The following SETD2 variants were observed in gnomAD, a reference collection of about 807,000 sequenced individuals.
SETD2 encodes histone-lysine N-methyltransferase SETD2.
A neutral mutation model predicts 242.1 loss-of-function variants in SETD2; 31 were observed. The ratio of observed to expected loss-of-function variants is 0.13; its 90% CI spans 0.10 to 0.17. The LOEUF is 0.17. SETD2 is among the 10% of genes least tolerant of loss of function. SETD2 has a pLI of 1.00. For missense variants in SETD2, 2,481 were observed against 3,046.3 expected (o/e 0.81, Z 4.37); for synonymous variants, 1,006 against 1,066.5 (o/e 0.94, Z 1.11).
chr3:47,116,046 T>C (rs1163398210), intron 4 of SETD2, among the ~76,000 whole-genome samples: 1 of 152,174 alleles, frequency 6.6e-6, no homozygotes, highest in Non-Finnish European at 1.5e-5. Flanking sequence ...ATGAATAGAA[T>C]ACATAATGCA....
intron 14 of SETD2, 95 bp from the exon 15 acceptor site, chr3:47,057,585 T>G: frequency 1.1e-6 from 1 of 869,830 alleles, no homozygotes; most frequent in Non-Finnish European, 1.8e-6. Context: ...ACTAAACCAC[T>G]AACCACATCA....
In SETD2 at chr3:47,042,659, G is replaced by C; in HGVS notation, c.7140C>G (p.Pro2380=). ...VVTNNLLDLP[P]PSPPKPKTIV... Reference sequence around the variant, plus strand: ...TGGTTTTTGGTTTGGGAGGAGAGGGGGGCGGCAGATCCAAGAGATTATTTG... The same window carrying C: ...TGGTTTTTGGTTTGGGAGGAGAGGGCGGCGGCAGATCCAAGAGATTATTTG... Residue 2380 remains proline (P), a synonymous_variant, in exon 17 of 21, where the codon CCC becomes CCG. Coordinates refer to ENST00000409792, the MANE Select transcript of SETD2 (RefSeq NM_014159.7). The C allele has an allele frequency of 1.2e-6, 2 of 1,611,542 alleles. No individual in the cohort carries two copies. Among genetic ancestry groups the C allele is most frequent in the Non-Finnish European group, 1.7e-6 (2 of 1,179,154 alleles).
Position 47,090,981 on chromosome 3 carries a change from T to G in SETD2, c.5143-2734A>C, listed in dbSNP as rs117707130. On this transcript the variant is annotated intron_variant, in intron 9 of 20. Coordinates refer to ENST00000409792, the MANE Select transcript of SETD2 (RefSeq NM_014159.7). ...TTCACATTCTGGTAAAGAACAAGAATAAATGAGAAAAAATAAAGTGCTGCC... is the reference window on the plus strand; with the variant it reads ...TTCACATTCTGGTAAAGAACAAGAAGAAATGAGAAAAAATAAAGTGCTGCC... Among the ~76,000 whole-genome samples the G allele has an allele frequency of 3.3e-3, 496 of 152,292 alleles. 25 individuals carry two copies. In the East Asian group the frequency reaches 0.085, roughly 26 times the overall value.
At chr3:47,160,270 T>C (rs1697450728) in intron 1 of SETD2, among the ~76,000 whole-genome samples, 2 of 152,102 alleles carry the variant, frequency 1.3e-5, no homozygotes, top group South Asian at 2.1e-4. Flanking sequence ...TCCAAAGCAC[T>C]TACCTTTGAA....
intron 6 of SETD2, chr3:47,105,730 C>T: frequency 2.3e-6 from 1 of 428,222 alleles, no homozygotes. Flanking sequence ...TGGTGAAACC[C>T]CGTCTCTACT....
chr3:47,132,827 A>C (rs896406853), intron 1 of SETD2, among the ~76,000 whole-genome samples: 2 of 152,260 alleles, frequency 1.3e-5, no homozygotes, highest in African/African-American at 4.8e-5. Flanking sequence ...ACTGTCAGAC[A>C]TATAAGAATA....
chr3:47,040,607 C>T (rs1189363372), intron 17 of SETD2, among the ~76,000 whole-genome samples: 2 of 106,132 alleles, frequency 1.9e-5, no homozygotes, highest in Non-Finnish European at 1.7e-5. Context: ...CAAGGTCTTG[C>T]TCTGTCACCC....
At chr3:47,074,457 C>G (rs1041925163) in intron 12 of SETD2, among the ~76,000 whole-genome samples, 19 of 152,188 alleles carry the variant, frequency 1.2e-4, no homozygotes, top group Non-Finnish European at 2.4e-4. Context: ...ACCAAAGACT[C>G]TTGTGCATTA....
At chr3:47,136,702 C>T (rs2043596406) in intron 1 of SETD2, among the ~76,000 whole-genome samples, 1 of 152,124 alleles carries the variant, frequency 6.6e-6, no homozygotes, top group African/African-American at 2.4e-5. Flanking sequence ...GCTTGTAATC[C>T]CAGCACTTTG....
rs747176449 is a variant in SETD2 at position 47,120,509 on chromosome 3, G to A, written c.4127C>T (p.Ser1376Phe). Residue 1376 changes from serine (S) to phenylalanine (F), a missense_variant, in exon 3 of 21, where the codon TCC (serine) becomes TTC (phenylalanine). Ser to Phe is a radical substitution (Grantham distance 155). Around this residue, in one of 17 missense-constraint regions of SETD2, gnomAD observed 1,300 missense variants for 1,259.2 expected, o/e 1.03. Coordinates refer to ENST00000409792, the MANE Select transcript of SETD2 (RefSeq NM_014159.7). ...ATTCACAGCTAAAGTGTCCTTAATG[G>A]AATTGCTGCTTATTTCAGGTGCTTG... ...SVQAPEISSN[S>F]IKDTLAVNEK... 2.2e-5 allele frequency: 35 copies of A among 1,613,774 alleles called. No homozygotes were observed. Among genetic ancestry groups the A allele is most frequent in the Non-Finnish European group, 3.0e-5 (35 of 1,179,950 alleles).
intron 5 of SETD2, among the ~76,000 whole-genome samples, chr3:47,111,015 C>G (rs1343267508): frequency 7.1e-6 from 1 of 141,184 alleles, no homozygotes; most frequent in South Asian, 2.2e-4. Flanking sequence ...AAAAGACCAG[C>G]ATCCAGACAG....
intron 9 of SETD2, among the ~76,000 whole-genome samples, chr3:47,092,943 G>A (rs956398316): frequency 1.3e-5 from 2 of 151,892 alleles, no homozygotes; most frequent in Non-Finnish European, 2.9e-5. Flanking sequence ...TAAGAAATAG[G>A]TCTTCAATTT....
intron 1 of SETD2, among the ~76,000 whole-genome samples, chr3:47,139,936 C>A (rs943892317): frequency 3.9e-5 from 6 of 152,110 alleles, no homozygotes; most frequent in African/African-American, 1.4e-4. Context: ...GGTATAGTAT[C>A]TCAAACATAC....
chr3:47,087,541 G>A (rs554134561), intron 10 of SETD2, among the ~76,000 whole-genome samples: 7 of 152,170 alleles, frequency 4.6e-5, no homozygotes, highest in Non-Finnish European at 8.8e-5. Flanking sequence ...GTGTGGCCCC[G>A]TTCCTAATCA....
intron 5 of SETD2, among the ~76,000 whole-genome samples, chr3:47,112,652 T>A (rs1477487239): frequency 1.3e-5 from 2 of 150,398 alleles, no homozygotes; most frequent in African/African-American, 4.9e-5. Context: ...GGCAGTGGCA[T>A]GATCTCGGCT....
At chr3:47,080,866 C>A (rs2041291118) in intron 12 of SETD2, 1 of 986,778 alleles carries the variant, frequency 1.0e-6, no homozygotes, top group Non-Finnish European at 1.2e-6. Context: ...AATGGACGCA[C>A]CAAAATAACG....
chr3:47,136,845 T>G (rs1243711733), intron 1 of SETD2, among the ~76,000 whole-genome samples: 1 of 152,038 alleles, frequency 6.6e-6, no homozygotes. Flanking sequence ...TCCCACCTAC[T>G]TGGGAGGCTG....
At chr3:47,159,743 A>C (rs1477889474) in intron 1 of SETD2, among the ~76,000 whole-genome samples, 5 of 152,128 alleles carry the variant, frequency 3.3e-5, no homozygotes, top group Non-Finnish European at 7.4e-5. Context: ...TTGGGAGGCC[A>C]AGGCAGGTGG....
At chr3:47,119,846 G>A in intron 3 of SETD2, 1 of 476,512 alleles carries the variant, frequency 2.1e-6, no homozygotes, top group Non-Finnish European at 4.2e-6. Context: ...AGATTATTTT[G>A]CTGGGGTTTT....
Sources: allele counts gnomAD v4.1 joint callset (sites outside exome capture counted in the v4.1 genomes callset), GRCh38; gene constraint gnomAD v4.1.1; regional missense constraint gnomAD v4.1.1; transcripts MANE v1.5; gene names NCBI Gene and HGNC (gene_info 2026-07-23, HGNC 2026-07-21).